CFHR5: variants seen among roughly 807,000 people sequenced by gnomAD.
CFHR5 encodes complement factor H-related protein 5.
Under a neutral mutation model 62.9 loss-of-function variants are expected in CFHR5, and 73 were observed. The ratio of observed to expected loss-of-function variants is 1.16; its 90% CI spans 0.96 to 1.41. CFHR5 has a LOEUF of 1.41. Among genes scored for constraint, CFHR5 ranks in the 40% most tolerant of loss-of-function variants. The pLI, the probability that CFHR5 is intolerant of heterozygous loss-of-function variation, is 0.00. For synonymous variants in CFHR5, 249 were observed against 227.2 expected (o/e 1.10, Z -0.86); for missense variants, 779 against 679.9 (o/e 1.15, Z -1.62).
intron 3 of CFHR5, among the ~76,000 whole-genome samples, chr1:196,989,076 C>T (rs891197994): frequency 5.3e-5 from 8 of 150,134 alleles, no homozygotes; most frequent in Admixed American, 5.3e-4. Context: ...AGAGATTCAA[C>T]TTCTTCTTGG....
chr1:197,002,701 G>T lies in CFHR5; in HGVS notation c.1330+37G>T, dbSNP rs777504947. 21 of 1,529,080 alleles carry T rather than the reference G, an allele frequency of 1.4e-5. 1 individual carries two copies. In the South Asian group the frequency reaches 2.0e-4, roughly 15 times the overall value. The allele number at this position is 1,529,080 out of a possible 1,614,324, so 94.7% of individuals were successfully genotyped here. ...ATTTCTAAGTAATTTCACTTAAAAAGAGGTTATTAATCCCCTTTGCTTTAT... is the reference window on the plus strand; with the variant it reads ...ATTTCTAAGTAATTTCACTTAAAAATAGGTTATTAATCCCCTTTGCTTTAT... On this transcript the variant is annotated intron_variant, in intron 8 of 9. Coordinates refer to ENST00000256785, the MANE Select transcript of CFHR5 (RefSeq NM_030787.4).
rs749858858 is a variant in CFHR5 at position 196,989,628 on chromosome 1, CCT to C, written c.431-4451_431-4450del. Among the ~76,000 whole-genome samples, 94 of 152,214 alleles carry C rather than the reference CCT, an allele frequency of 6.2e-4. 1 individual carries two copies. The highest frequency in any genetic ancestry group is 4.1e-4 in the Non-Finnish European group (28 of 68,018). ...ATTTCTGCCTTCATTTTGTTATTTA[CCT>C]GGTAGTCATTCAGGAGCAGGGTGTT... On this transcript the variant is annotated intron_variant, in intron 3 of 9. Coordinates refer to ENST00000256785, the MANE Select transcript of CFHR5 (RefSeq NM_030787.4).
intron 3 of CFHR5, among the ~76,000 whole-genome samples, chr1:196,986,484 A>G (rs1653685692): frequency 6.6e-6 from 1 of 152,090 alleles, no homozygotes; most frequent in South Asian, 2.1e-4. Context: ...CTCGTGATTT[A>G]CATTATGTAT....
Position 196,986,660 on chromosome 1 carries a change from T to C in CFHR5, c.430+2523T>C, listed in dbSNP as rs185949876. Among the ~76,000 whole-genome samples the C allele has an allele frequency of 9.9e-5, 15 of 152,194 alleles. No individual in the cohort carries two copies. In the East Asian group the frequency reaches 1.9e-3, roughly 20 times the overall value. On this transcript the variant is annotated intron_variant, in intron 3 of 9. Transcript: ENST00000256785. ...TGTGATAGTTTTCTCAGAATGATGG[T>C]TTCCAGGTTCATCCATGACCCTGCA...
At chr1:196,994,961 G>A (rs1210936399) in intron 4 of CFHR5, among the ~76,000 whole-genome samples, 3 of 152,094 alleles carry the variant, frequency 2.0e-5, no homozygotes, top group East Asian at 1.9e-4. Context: ...GGAAAGATCC[G>A]CCCCATAATT....
intron 3 of CFHR5, among the ~76,000 whole-genome samples, chr1:196,987,338 T>G (rs533734238): frequency 2.0e-5 from 3 of 152,200 alleles, no homozygotes; most frequent in African/African-American, 7.2e-5. Context: ...GGTAGTTTCT[T>G]TTGCTGTGCA....
chr1:197,003,783 G>A (rs1435342588), intron 8 of CFHR5, among the ~76,000 whole-genome samples: 2 of 152,114 alleles, frequency 1.3e-5, no homozygotes, highest in African/African-American at 4.8e-5. Flanking sequence ...TTACCGGATA[G>A]AAGATATGGA....
At chr1:196,984,862 C>A (rs966732192) in intron 3 of CFHR5, among the ~76,000 whole-genome samples, 1 of 152,144 alleles carries the variant, frequency 6.6e-6, no homozygotes, top group South Asian at 2.1e-4. Context: ...CCAAGACTGA[C>A]CTTACTAGTC....
intron 3 of CFHR5, 40 bp downstream of exon 3, chr1:196,984,177 A>G (rs1653621236): frequency 6.6e-7 from 1 of 1,518,418 alleles, no homozygotes; most frequent in African/African-American, 1.4e-5. Context: ...CTAATTATTT[A>G]AAGAAATAAA....
intron 7 of CFHR5, among the ~76,000 whole-genome samples, chr1:196,999,996 G>A (rs1571525942): frequency 1.3e-5 from 2 of 151,598 alleles, no homozygotes; most frequent in East Asian, 1.9e-4. Flanking sequence ...TTAATAAGCA[G>A]AGCTGTCTAA....
chr1:196,984,150 C>G lies in CFHR5; in HGVS notation c.430+13C>G. 1 of 1,605,524 alleles carries G rather than the reference C, an allele frequency of 6.2e-7. No individual in the cohort carries two copies. The highest frequency in any genetic ancestry group is 8.5e-7 in the Non-Finnish European group (1 of 1,172,532). ...TGCAGCTTCACTAGTAAGCAAAATA[C>G]CACTCTCTCAGTTTTGCTAATTATT... On this transcript the variant is annotated intron_variant, in intron 3 of 9. Coordinates refer to ENST00000256785, the MANE Select transcript of CFHR5 (RefSeq NM_030787.4).
chr1:196,994,291 T>G (rs1653932478), intron 4 of CFHR5, 35 bp downstream of exon 4: 1 of 1,532,320 alleles, frequency 6.5e-7, no homozygotes. Flanking sequence ...GAAACAAGAA[T>G]TTGATTTTTA....
intron 7 of CFHR5, 67 bp from the exon 8 acceptor site, chr1:197,002,415 A>G: frequency 1.7e-6 from 2 of 1,186,084 alleles, no homozygotes; most frequent in South Asian, 1.3e-5. Context: ...TTCCTGAAAC[A>G]CTACCCTATT....
chr1:196,977,019 G>C (rs999455264), upstream of CFHR5, among the ~76,000 whole-genome samples: 6 of 151,694 alleles, frequency 4.0e-5, no homozygotes, highest in African/African-American at 1.5e-4. Flanking sequence ...GTGTTAGCCA[G>C]GATGGTCTCG....
chr1:196,993,172 A>C (rs1273030194), intron 3 of CFHR5, among the ~76,000 whole-genome samples: 2 of 152,136 alleles, frequency 1.3e-5, no homozygotes, highest in Non-Finnish European at 2.9e-5. Flanking sequence ...GATTCAAAAA[A>C]CCTAGATGGG....
chr1:197,002,708 T>C (rs373027629), intron 8 of CFHR5, 44 bp downstream of exon 8: 2 of 1,460,468 alleles, frequency 1.4e-6, no homozygotes, highest in East Asian at 2.3e-5. Flanking sequence ...AAAGAGGTTA[T>C]TAATCCCCTT....
intron 9 of CFHR5, 47 bp from the exon 10 acceptor site, chr1:197,008,440 A>G (rs1654348044): frequency 8.6e-7 from 1 of 1,161,334 alleles, no homozygotes; most frequent in South Asian, 1.8e-5. Flanking sequence ...TGAAAGGTAA[A>G]GATGTATTAT....
Position 197,004,828 on chromosome 1 carries a change from C to A in CFHR5, c.1498C>A (p.Pro500Thr). The A allele has an allele frequency of 6.2e-7, 1 of 1,612,634 alleles. No homozygotes were observed. ...VTCRNKQWSE[P>T]PRCLDPCVVS... ...ATGCAGAAATAAACAGTGGTCAGAA[C>A]CACCAAGATGCCTAGGTGAGTTCTT... Residue 500 changes from proline to threonine, a missense_variant, in exon 9 of 10, where the codon CCA (proline) becomes ACA (threonine). Coordinates refer to ENST00000256785, the MANE Select transcript of CFHR5 (RefSeq NM_030787.4).
intron 7 of CFHR5, among the ~76,000 whole-genome samples, chr1:197,001,294 A>G (rs1401366691): frequency 6.6e-6 from 1 of 152,134 alleles, no homozygotes; most frequent in Admixed American, 6.6e-5. Flanking sequence ...TCTGACCTTG[A>G]AAAAATAAGG....
Sources: allele counts gnomAD v4.1 joint callset (sites outside exome capture counted in the v4.1 genomes callset), GRCh38; gene constraint gnomAD v4.1.1; transcripts MANE v1.5; gene names NCBI Gene and HGNC (gene_info 2026-07-23, HGNC 2026-07-21).